The following DOCK1 variants were observed in gnomAD, a reference collection of about 807,000 sequenced individuals.
DOCK1 encodes dedicator of cytokinesis protein 1.
Under a neutral mutation model 262.7 loss-of-function variants are expected in DOCK1, and 138 were observed. The observed-to-expected ratio is 0.53, with a 90% CI of 0.46 to 0.61. The LOEUF is 0.61. Ranked by LOEUF, DOCK1 falls within the 20% of genes least tolerant of loss-of-function variation. The pLI, the probability that DOCK1 is intolerant of heterozygous loss-of-function variation, is 0.00. For synonymous variants in DOCK1, 866 were observed against 867.4 expected (o/e 1.00, Z 0.03); for missense variants, 1,908 against 2,370.7 (o/e 0.80, Z 4.05).
At chr10:126,918,955 C>CGT (rs1554955665) in intron 1 of DOCK1, among the ~76,000 whole-genome samples, 1 of 149,636 alleles carries the variant, frequency 6.7e-6, no homozygotes, top group Non-Finnish European at 1.5e-5. Flanking sequence ...CAGATGGGCA[C>CGT]AGAGGATTTG....
intron 22 of DOCK1, among the ~76,000 whole-genome samples, 183 bp downstream of exon 22, chr10:127,052,998 C>T (rs911772391): frequency 2.6e-5 from 4 of 152,160 alleles, no homozygotes; most frequent in African/African-American, 9.7e-5. Flanking sequence ...TTTCCTTACC[C>T]GCCTGGGTCC....
chr10:127,204,502 G>A (rs2057621812), intron 27 of DOCK1, among the ~76,000 whole-genome samples: 1 of 152,048 alleles, frequency 6.6e-6, no homozygotes, highest in South Asian at 2.1e-4. Context: ...GGCCAGGCTG[G>A]TCTCGAACTC....
intron 23 of DOCK1, among the ~76,000 whole-genome samples, chr10:127,093,801 CAAAATACCTGAGACTCGGT>C (rs764785443): frequency 2.6e-5 from 4 of 152,242 alleles, no homozygotes; most frequent in Non-Finnish European, 5.9e-5. Context: ...GCTGCTATAA[CAAAATACCTGAGACTCGGT>C]AAAATACCTG....
intron 27 of DOCK1, among the ~76,000 whole-genome samples, chr10:127,229,866 C>T (rs967136733): frequency 6.6e-6 from 1 of 152,164 alleles, no homozygotes; most frequent in African/African-American, 2.4e-5. Context: ...CACAGGGGCT[C>T]CCGTTTCTCC....
At chr10:126,999,317 G>A (rs886771305) in intron 8 of DOCK1, 37 bp from the exon 9 acceptor site, 1 of 1,560,596 alleles carries the variant, frequency 6.4e-7, no homozygotes, top group Non-Finnish European at 8.8e-7. Context: ...CCTGTTATTT[G>A]GAAAATTAAC....
rs780752467 is a variant in DOCK1 at position 127,418,539 on chromosome 10, A to G, written c.4690A>G (p.Lys1564Glu). 6.2e-7 allele frequency: 1 copy of G among 1,612,952 alleles called. No individual in the cohort carries two copies. The highest frequency in any genetic ancestry group is 2.2e-5 in the East Asian group (1 of 44,868). ...AVMGGFANYE[K>E]AFFTDRYLQE... ...CATGGGGGGCTTCGCAAACTACGAA[A>G]AGGTACGGGACCCACCAGCTTGCTC... Residue 1564 changes from lysine to glutamate, a missense_variant and splice_region_variant, in exon 45 of 52, where the codon AAG becomes GAG. By Grantham distance (56) the Lys-to-Glu change is moderately conservative. Transcript: ENST00000623213.
At chr10:127,333,623 C>T (rs986957351) in intron 29 of DOCK1, among the ~76,000 whole-genome samples, 1 of 152,212 alleles carries the variant, frequency 6.6e-6, no homozygotes, top group African/African-American at 2.4e-5. Context: ...TCCATCCACC[C>T]GCCCTTTTTG....
intron 27 of DOCK1, among the ~76,000 whole-genome samples, chr10:127,229,543 T>C (rs913372756): frequency 5.3e-5 from 8 of 152,194 alleles, no homozygotes; most frequent in African/African-American, 1.9e-4. Context: ...GGTCCATCTA[T>C]GTTGTTCCAA....
At chr10:127,334,163 C>T (rs1420764607) in intron 29 of DOCK1, among the ~76,000 whole-genome samples, 1 of 152,072 alleles carries the variant, frequency 6.6e-6, no homozygotes, top group Non-Finnish European at 1.5e-5. Flanking sequence ...TGTTCCCTCA[C>T]ATACTTCTCA....
intron 29 of DOCK1, among the ~76,000 whole-genome samples, chr10:127,327,208 G>C (rs989882538): frequency 2.0e-5 from 3 of 152,170 alleles, no homozygotes; most frequent in Admixed American, 6.5e-5. Flanking sequence ...TTTGAAGCCA[G>C]GAATTGACTT....
intron 29 of DOCK1, among the ~76,000 whole-genome samples, chr10:127,269,119 G>A (rs184435067): frequency 1.4e-3 from 208 of 152,154 alleles, no homozygotes; most frequent in Middle Eastern, 0.01. Context: ...GATTTACCCC[G>A]TGCTGTAGTT....
chr10:127,232,717 A>C (rs2058897841), intron 27 of DOCK1, among the ~76,000 whole-genome samples: 2 of 152,150 alleles, frequency 1.3e-5, no homozygotes. Flanking sequence ...AGTGGACTTC[A>C]TTTCATGATC....
chr10:126,967,626 C>T (rs1024235811), intron 1 of DOCK1, among the ~76,000 whole-genome samples: 5,130 of 152,094 alleles, frequency 0.034, 295 homozygotes, highest in African/African-American at 0.12. Flanking sequence ...GGGGAGTCTG[C>T]GCTTCCTCAC....
At chr10:127,282,659 C>T (rs941017528) in intron 29 of DOCK1, among the ~76,000 whole-genome samples, 4 of 152,232 alleles carry the variant, frequency 2.6e-5, no homozygotes, top group African/African-American at 9.6e-5. Flanking sequence ...GTTTAACTCA[C>T]ACTAGTCCAG....
In DOCK1 at chr10:127,430,870, C is replaced by T. The variant is rs776641309; in HGVS notation, c.4915-2413C>T. On this transcript the variant is annotated intron_variant, in intron 47 of 51. Coordinates refer to ENST00000623213, the MANE Select transcript of DOCK1 (RefSeq NM_001290223.2). ...TCAAGGTGGGACGTTACAGCTCAGC[C>T]GGGAGACAGCGACGTAAAACTCAGG... Among the ~76,000 whole-genome samples the T allele has an allele frequency of 4.6e-5, 7 of 152,230 alleles. No individual in the cohort carries two copies. The East Asian group carries it at 7.7e-4, about 17-fold the overall frequency.
intron 47 of DOCK1, among the ~76,000 whole-genome samples, chr10:127,429,092 C>CGTGTGGATTGGGATGCT (rs923380550): frequency 1.9e-4 from 28 of 151,202 alleles, no homozygotes; most frequent in African/African-American, 6.8e-4. Context: ...ATTGGGGTGC[C>CGTGTGGATTGGGATGCT]GTGTGGATTG....
chr10:127,251,864 C>T (rs2059659067), intron 28 of DOCK1, among the ~76,000 whole-genome samples: 1 of 148,650 alleles, frequency 6.7e-6, no homozygotes, highest in African/African-American at 2.5e-5. Flanking sequence ...GTCTTTATAG[C>T]AGCATGATTT....
intron 38 of DOCK1, among the ~76,000 whole-genome samples, chr10:127,389,782 G>A (rs2066361655): frequency 6.6e-6 from 1 of 152,148 alleles, no homozygotes; most frequent in Admixed American, 6.5e-5. Flanking sequence ...TCGGGCTGAG[G>A]CGGGGCAGAT....
At chr10:127,055,936 G>T (rs568695759) in intron 22 of DOCK1, among the ~76,000 whole-genome samples, 1 of 152,148 alleles carries the variant, frequency 6.6e-6, no homozygotes, top group Non-Finnish European at 1.5e-5. Flanking sequence ...GAACATGATC[G>T]CTCTACCTGC....
Sources: gnomAD v4.1 joint callset for allele counts (sites outside exome capture counted in the v4.1 genomes callset) on GRCh38, gnomAD v4.1.1 for gene constraint, MANE v1.5 for transcripts, NCBI Gene and HGNC (gene_info 2026-07-23, HGNC 2026-07-21) for gene names.